Variants in RUNDC3B observed in about 807,000 individuals in gnomAD.
RUNDC3B encodes RUN domain-containing protein 3B.
RUNDC3B carries 33 observed loss-of-function variants against 58.4 expected under a neutral mutation model. That is an observed-to-expected ratio of 0.56 (90% CI 0.43 to 0.75). The LOEUF (loss-of-function observed/expected upper bound fraction) is 0.75. Ranked by LOEUF, RUNDC3B falls within the 30% of genes least tolerant of loss-of-function variation. The probability of loss-of-function intolerance (pLI) is 0.00; values close to 1 mark genes in which losing one functional copy is unlikely to be tolerated. For synonymous variants in RUNDC3B, 193 were observed against 195.2 expected (o/e 0.99, Z 0.10); for missense variants, 501 against 535.7 (o/e 0.94, Z 0.64).
intron 2 of RUNDC3B, among the ~76,000 whole-genome samples, chr7:87,700,001 GT>G (rs575354446): frequency 3.1e-4 from 47 of 150,516 alleles, no homozygotes; most frequent in South Asian, 2.6e-3. Context: ...TGGTGGTGGG[GT>G]TTTTTTTTCT....
chr7:87,741,214 G>GA (rs1169186836), intron 5 of RUNDC3B, among the ~76,000 whole-genome samples: 141 of 135,794 alleles, frequency 1.0e-3, no homozygotes, highest in African/African-American at 1.8e-3. Context: ...CAAAAAAAAA[G>GA]AAAAAAAAAA....
chr7:87,683,333 T>C (rs902138351), intron 2 of RUNDC3B, among the ~76,000 whole-genome samples: 1 of 152,240 alleles, frequency 6.6e-6, no homozygotes, highest in Admixed American at 6.5e-5. Flanking sequence ...TCCTTTGAAC[T>C]TTTTCTTTGT....
At chr7:87,760,368 A>G (rs950237511) in intron 6 of RUNDC3B, among the ~76,000 whole-genome samples, 13 of 152,126 alleles carry the variant, frequency 8.5e-5, no homozygotes, top group African/African-American at 3.1e-4. Flanking sequence ...TTGTTAATGA[A>G]TTGAAACACT....
At chr7:87,725,485 T>A (rs1489315311) in intron 4 of RUNDC3B, among the ~76,000 whole-genome samples, 1 of 152,242 alleles carries the variant, frequency 6.6e-6, no homozygotes, top group African/African-American at 2.4e-5. Flanking sequence ...TAATCCAGTC[T>A]ATCATTGTTG....
At chr7:87,695,532 T>G (rs1448112724) in intron 2 of RUNDC3B, among the ~76,000 whole-genome samples, 1 of 152,088 alleles carries the variant, frequency 6.6e-6, no homozygotes, top group Admixed American at 6.5e-5. Context: ...ATCTTGTCTT[T>G]TGTTGATTGT....
At chr7:87,647,507 A>G (rs1354867533) in intron 1 of RUNDC3B, among the ~76,000 whole-genome samples, 3 of 152,214 alleles carry the variant, frequency 2.0e-5, no homozygotes, top group African/African-American at 7.2e-5. Flanking sequence ...CTTTTGGAAA[A>G]TATAAGTTTC....
intron 7 of RUNDC3B, 72 bp from the exon 8 acceptor site, chr7:87,777,726 A>G (rs571033879): frequency 8.3e-7 from 1 of 1,198,154 alleles, no homozygotes; most frequent in African/African-American, 1.5e-5. Flanking sequence ...CATTTAAGCT[A>G]CTCAGCATTT....
rs558178815 is a variant in RUNDC3B, at chr7:87,730,639, T to C, written c.459-9152T>C. Among the ~76,000 whole-genome samples the C allele has an allele frequency of 4.6e-5, 7 of 152,014 alleles. No homozygotes were observed. The East Asian group carries it at 1.4e-3, about 30-fold the overall frequency. ...CCCAACCAGGGCTGAAGACAATTCATGTCCCTGAAGGGAAGGACACAGACC... is the reference window on the plus strand; with the variant it reads ...CCCAACCAGGGCTGAAGACAATTCACGTCCCTGAAGGGAAGGACACAGACC... On this transcript the variant is annotated intron_variant, in intron 4 of 10. Coordinates refer to ENST00000394654, the MANE Select transcript of RUNDC3B (RefSeq NM_001134405.2).
At chr7:87,704,012 C>A in intron 3 of RUNDC3B, among the ~76,000 whole-genome samples, 1 of 144,486 alleles carries the variant, frequency 6.9e-6, no homozygotes, top group Non-Finnish European at 1.5e-5. Context: ...CCTCCACCTC[C>A]CAGGCTCAAG....
intron 2 of RUNDC3B, among the ~76,000 whole-genome samples, chr7:87,672,629 T>C (rs1337756145): frequency 1.3e-5 from 2 of 152,210 alleles, no homozygotes; most frequent in Non-Finnish European, 2.9e-5. Flanking sequence ...AGGGTTTCCA[T>C]GCATGTCTGA....
intron 8 of RUNDC3B, among the ~76,000 whole-genome samples, chr7:87,783,610 T>G (rs1410882473): frequency 6.6e-6 from 1 of 152,188 alleles, no homozygotes; most frequent in Non-Finnish European, 1.5e-5. Flanking sequence ...GGCTATGTAT[T>G]TAAGTGTGTT....
intron 2 of RUNDC3B, among the ~76,000 whole-genome samples, chr7:87,696,810 T>C (rs1181187603): frequency 6.6e-6 from 1 of 152,196 alleles, no homozygotes; most frequent in African/African-American, 2.4e-5. Flanking sequence ...ATTGCTTAGT[T>C]TCTCAGTTTG....
chr7:87,744,919 T>C (rs1358167218), intron 6 of RUNDC3B, among the ~76,000 whole-genome samples: 2 of 150,716 alleles, frequency 1.3e-5, no homozygotes, highest in Non-Finnish European at 2.9e-5. Flanking sequence ...GCTTTTAAGT[T>C]TTTCTCATTC....
chr7:87,629,220 A>G (rs1820953506), intron 1 of RUNDC3B: 2 of 341,946 alleles, frequency 5.8e-6, no homozygotes, highest in South Asian at 1.5e-4. Context: ...TGAATGTGCA[A>G]TCTAGCGTCA....
At chr7:87,764,423 T>A (rs377089746) in intron 6 of RUNDC3B, among the ~76,000 whole-genome samples, 3 of 151,854 alleles carry the variant, frequency 2.0e-5, no homozygotes, top group Admixed American at 6.6e-5. Context: ...TTTGAAAAAA[T>A]ATTAGACTGA....
Position 87,820,515 on chromosome 7 carries a change from A to G in RUNDC3B, c.1225+4253A>G, listed in dbSNP as rs545946142. On this transcript the variant is annotated intron_variant, in intron 10 of 10. Transcript: ENST00000394654. ...ACTATTCCAATCAATAGAAAAAGAGAGAATCCTCCCTAACTCATTTTATGA... is the reference window on the plus strand; with the variant it reads ...ACTATTCCAATCAATAGAAAAAGAGGGAATCCTCCCTAACTCATTTTATGA... Among the ~76,000 whole-genome samples the G allele has an allele frequency of 5.0e-3, 756 of 152,166 alleles. 3 individuals are homozygous for G. The highest frequency in any genetic ancestry group is 0.016 in the African/African-American group (679 of 41,498).
At chr7:87,750,599 T>G (rs1323368782) in intron 6 of RUNDC3B, among the ~76,000 whole-genome samples, 1 of 152,158 alleles carries the variant, frequency 6.6e-6, no homozygotes, top group Non-Finnish European at 1.5e-5. Context: ...TATCTCATTG[T>G]GGTTTTGATT....
At chr7:87,819,607 C>G (rs1837296450) in intron 10 of RUNDC3B, among the ~76,000 whole-genome samples, 1 of 152,052 alleles carries the variant, frequency 6.6e-6, no homozygotes, top group South Asian at 2.1e-4. Context: ...CCACACCACA[C>G]CTATTCCAAA....
At chr7:87,769,638 T>TC (rs1834162902) in intron 6 of RUNDC3B, among the ~76,000 whole-genome samples, 1 of 152,106 alleles carries the variant, frequency 6.6e-6, no homozygotes, top group South Asian at 2.1e-4. Flanking sequence ...GTATTTTTCT[T>TC]CTTTTTTTTT....
Sources: gnomAD v4.1 joint callset for allele counts (sites outside exome capture counted in the v4.1 genomes callset) on GRCh38, gnomAD v4.1.1 for gene constraint, MANE v1.5 for transcripts, NCBI Gene and HGNC (gene_info 2026-07-23, HGNC 2026-07-21) for gene names.